The following BORA variants were observed in gnomAD, a reference collection of about 807,000 sequenced individuals.
BORA encodes BORA aurora kinase A activator.
Under a neutral mutation model 55.8 loss-of-function variants are expected in BORA, and 26 were observed. The observed-to-expected ratio is 0.47, with a 90% CI of 0.34 to 0.65. The LOEUF is 0.65. Among genes scored for constraint, BORA ranks in the 30% least tolerant of loss-of-function variants. BORA has a pLI of 0.01. For missense variants in BORA, 568 were observed against 671.5 expected (o/e 0.85, Z 1.70); for synonymous variants, 201 against 216.9 (o/e 0.93, Z 0.64).
rs2032707510 is a variant in BORA at position 72,727,927 on chromosome 13, A to T, written c.-96A>T. The T allele has an allele frequency of 3.2e-6, 5 of 1,550,484 alleles. No individual in the cohort carries two copies. Among genetic ancestry groups the T allele is most frequent in the African/African-American group, 2.7e-5 (2 of 73,054 alleles). On this transcript the variant is annotated 5_prime_UTR_variant, in exon 1 of 12. Coordinates refer to ENST00000390667, the MANE Select transcript of BORA (RefSeq NM_024808.5). ...ACAGCGCGGAAGCGGGGAGTTAAAGAGTCTATGCCTGTCGTGGAAGCTGGC... is the reference window on the plus strand; with the variant it reads ...ACAGCGCGGAAGCGGGGAGTTAAAGTGTCTATGCCTGTCGTGGAAGCTGGC...
intron 5 of BORA, 39 bp from the exon 6 acceptor site, chr13:72,743,498 G>A: frequency 6.8e-7 from 1 of 1,464,760 alleles, no homozygotes; most frequent in Non-Finnish European, 9.4e-7. Context: ...CAAATGAAGA[G>A]TATAAAACAT....
At chr13:72,753,411 AT>A (rs1334506141) in intron 10 of BORA, 3 of 247,562 alleles carry the variant, frequency 1.2e-5, no homozygotes, top group Non-Finnish European at 2.3e-5. Context: ...CGATCACAAA[AT>A]AACAGGAAAG....
chr13:72,747,150 C>T, intron 10 of BORA, 39 bp downstream of exon 10: 2 of 1,585,814 alleles, frequency 1.3e-6, no homozygotes, highest in Non-Finnish European at 8.6e-7. Flanking sequence ...TCCTCACTGC[C>T]TTGGTGTTCT....
rs993339071 is a variant in BORA at position 72,755,330 on chromosome 13, T to G, written c.*114T>G. ...AATTACTTCAAGTAACATGCTTAGC[T>G]TTCCCTCCTTAATGTGAAAAATCAA... On this transcript the variant is annotated 3_prime_UTR_variant, in exon 12 of 12. Coordinates refer to ENST00000390667, the MANE Select transcript of BORA (RefSeq NM_024808.5). 1 of 814,570 alleles carries G rather than the reference T, an allele frequency of 1.2e-6. No individual in the cohort carries two copies. Among genetic ancestry groups the G allele is most frequent in the Non-Finnish European group, 2.0e-6 (1 of 509,944 alleles). The allele number at this position is 814,570 out of a possible 1,614,324, so 50.5% of individuals were successfully genotyped here.
chr13:72,735,044 A>G, intron 4 of BORA, 39 bp downstream of exon 4: 1 of 1,477,472 alleles, frequency 6.8e-7, no homozygotes, highest in East Asian at 2.3e-5. Flanking sequence ...TCAGTTAAGG[A>G]TCAATTCTGC....
intron 4 of BORA, among the ~76,000 whole-genome samples, chr13:72,735,646 G>C (rs2138052597): frequency 6.6e-6 from 1 of 152,138 alleles, no homozygotes; most frequent in African/African-American, 2.4e-5. Context: ...TTTCGTTCTT[G>C]TTGCCCAGGC....
intron 3 of BORA, among the ~76,000 whole-genome samples, chr13:72,734,757 G>GC (rs2032884705): frequency 6.6e-6 from 1 of 152,116 alleles, no homozygotes; most frequent in South Asian, 2.1e-4. Flanking sequence ...AGGGAGGTAA[G>GC]CCTAACAGCT....
At chr13:72,744,365 A>T in intron 6 of BORA, 140 bp from the exon 7 acceptor site, 1 of 688,322 alleles carries the variant, frequency 1.5e-6, no homozygotes, top group East Asian at 2.8e-5. Flanking sequence ...TATGTGATAG[A>T]ATGCAGAAAT....
chr13:72,751,178 A>G (rs1204729287), intron 10 of BORA, among the ~76,000 whole-genome samples: 1 of 152,186 alleles, frequency 6.6e-6, no homozygotes, highest in African/African-American at 2.4e-5. Flanking sequence ...ATGAATTAGT[A>G]CAGCTATTAT....
chr13:72,755,568 T>C lies in BORA; in HGVS notation c.*352T>C, dbSNP rs74094530. On this transcript the variant is annotated 3_prime_UTR_variant, in exon 12 of 12. Transcript: ENST00000390667. ...ACTGAATTTAGCAGTTCTGAGAACA[T>C]GTGAAACTATGTTAAAACTGAAGGC... is the stretch of plus-strand genomic sequence containing the variant. 1.4e-3 allele frequency: 449 copies of C among 331,276 alleles called. 1 individual carries two copies. The highest frequency in any genetic ancestry group is 9.0e-3 in the African/African-American group (428 of 47,564). 20.5% of individuals were successfully genotyped at this position (331,276 alleles called of 1,614,324 possible).
At position 72,746,543 on chromosome 13, in the gene BORA, G is replaced by A; in HGVS notation, c.914G>A (p.Gly305Glu). The change falls in exon 10 of 12, where the codon GGA becomes GAA. Residue 305 changes from glycine to glutamate, a missense_variant. Transcript: ENST00000390667. The stretch of plus-strand genomic sequence containing the variant: ...GTTCATTCTCCTGATGCTTCATCTG[G>A]AACAAATTCTAATGGGATAACTAAT... ...FTVHSPDASS[G>E]TNSNGITNPC... 6.2e-7 allele frequency: 1 copy of A among 1,613,620 alleles called. No homozygotes were observed. The highest frequency in any genetic ancestry group is 8.5e-7 in the Non-Finnish European group (1 of 1,179,744).
chr13:72,750,845 G>T lies in BORA; in HGVS notation c.1483-2845G>T, dbSNP rs138567350. Reference sequence around the variant, plus strand: ...ATGAGGGAACTGAGGCATGCAAGAGGGGGTAGAATCTAGAACCCTGATAGG... The same window carrying T: ...ATGAGGGAACTGAGGCATGCAAGAGTGGGTAGAATCTAGAACCCTGATAGG... On this transcript the variant is annotated intron_variant, in intron 10 of 11. Coordinates refer to ENST00000390667, the MANE Select transcript of BORA (RefSeq NM_024808.5). 2.4e-4 allele frequency among the ~76,000 whole-genome samples: 37 copies of T among 152,234 alleles called. No homozygotes were observed. The East Asian group carries it at 6.6e-3, about 27-fold the overall frequency.
intron 6 of BORA, among the ~76,000 whole-genome samples, chr13:72,743,963 C>T (rs1327980618): frequency 1.3e-5 from 2 of 152,114 alleles, no homozygotes; most frequent in East Asian, 3.9e-4. Context: ...TCTCGAACTC[C>T]TGGGCTCAAG....
chr13:72,728,261 GTGTAGCCTC>G (rs1225423131), intron 1 of BORA: 1 of 699,758 alleles, frequency 1.4e-6, no homozygotes, highest in Admixed American at 2.0e-5. Flanking sequence ...CCCCGCCAAG[GTGTAGCCTC>G]TGTAGCCTCC....
At chr13:72,743,104 A>T (rs1257622806) in intron 5 of BORA, among the ~76,000 whole-genome samples, 1 of 152,180 alleles carries the variant, frequency 6.6e-6, no homozygotes, top group Non-Finnish European at 1.5e-5. Context: ...ACAGCCAGGT[A>T]ACTATAGCTG....
At position 72,746,073 on chromosome 13, in the gene BORA, T is replaced by TC; in HGVS notation, c.869dup (p.Glu291ArgfsTer11). ...ATTTCAGATAGGAGAGACTCCACTCTCAGGTATGTCTCATAATAAAATACC... is the reference window on the plus strand; with the variant it reads ...ATTTCAGATAGGAGAGACTCCACTCTCCAGGTATGTCTCATAATAAAATACC... On this transcript the variant is annotated frameshift_variant, in exon 9 of 12. Coordinates refer to ENST00000390667, the MANE Select transcript of BORA (RefSeq NM_024808.5). LOFTEE classifies it high-confidence loss of function. 6.2e-7 allele frequency: 1 copy of TC among 1,607,556 alleles called. No individual in the cohort carries two copies. The highest frequency in any genetic ancestry group is 1.3e-5 in the African/African-American group (1 of 74,794).
intron 10 of BORA, 106 bp downstream of exon 10, chr13:72,747,217 A>C (rs2033169771): frequency 8.5e-7 from 1 of 1,173,950 alleles, no homozygotes; most frequent in Admixed American, 2.5e-5. Context: ...TGAGGACTAC[A>C]GTATTATATA....
rs1301909451 is a variant in BORA, at chr13:72,746,065, C to T, written c.860C>T (p.Thr287Ile). ...CCAATTGAATTTCAGATAGGAGAGA[C>T]TCCACTCTCAGGTATGTCTCATAAT... ...FSPIEFQIGE[T>I]PLSEQRKFTV... Residue 287 changes from threonine (T) to isoleucine (I), a missense_variant, in exon 9 of 12, where the codon ACT becomes ATT. By Grantham distance (89) the Thr-to-Ile change is moderately conservative. Coordinates refer to ENST00000390667, the MANE Select transcript of BORA (RefSeq NM_024808.5). The T allele has an allele frequency of 2.5e-6, 4 of 1,610,124 alleles. No homozygotes were observed. The Admixed American group carries it at 6.7e-5, about 27-fold the overall frequency.
At chr13:72,741,706 G>A (rs2033037361) in intron 5 of BORA, among the ~76,000 whole-genome samples, 1 of 152,070 alleles carries the variant, frequency 6.6e-6, no homozygotes, top group African/African-American at 2.4e-5. Flanking sequence ...TTGGAATAGA[G>A]TTGAAAAGTG....
Sources: allele counts gnomAD v4.1 joint callset (sites outside exome capture counted in the v4.1 genomes callset), GRCh38; gene constraint gnomAD v4.1.1; transcripts MANE v1.5; gene names NCBI Gene and HGNC (gene_info 2026-07-23, HGNC 2026-07-21).